GALNT13: variants seen among roughly 807,000 people sequenced by gnomAD.
GALNT13 encodes the protein polypeptide N-acetylgalactosaminyltransferase 13.
In GALNT13, 28 loss-of-function variants were observed where a neutral mutation model predicts 64.2. The ratio of observed to expected loss-of-function variants is 0.44; its 90% CI spans 0.32 to 0.60. The LOEUF is 0.60. Among genes scored for constraint, GALNT13 ranks in the 20% least tolerant of loss-of-function variants. The pLI is 0.05. For missense variants in GALNT13, 577 were observed against 669.8 expected, an observed-to-expected ratio of 0.86 and a Z score of 1.53; for synonymous variants, 214 against 224.6, an observed-to-expected ratio of 0.95 and a Z score of 0.42.
the GALNT13 span, among the ~76,000 whole-genome samples, chr2:153,819,201 A>G: frequency 6.6e-6 from 1 of 152,162 alleles, no homozygotes. Context: ...CAGTACTGCT[A>G]TATTTGAGAA....
chr2:153,121,630 C>G, the GALNT13 span, among the ~76,000 whole-genome samples: 145 of 152,272 alleles, frequency 9.5e-4, 1 homozygote, highest in Non-Finnish European at 1.5e-3. Context: ...TGCCTGGGTT[C>G]ACGCAAGTCT....
chr2:153,668,080 G>A, the GALNT13 span, among the ~76,000 whole-genome samples: 11 of 152,184 alleles, frequency 7.2e-5, no homozygotes, highest in Admixed American at 7.2e-4. Context: ...AAATATATAT[G>A]CACCCAACAC....
chr2:153,425,666 G>T, the GALNT13 span, among the ~76,000 whole-genome samples: 2 of 151,810 alleles, frequency 1.3e-5, no homozygotes, highest in African/African-American at 4.8e-5. Context: ...TACCATCTCT[G>T]TGTAAGTTTT....
chr2:154,446,619 GTAGCT>G, intron 12 of GALNT13: 17 of 1,548,362 alleles, frequency 1.1e-5, no homozygotes, highest in Non-Finnish European at 1.5e-5. Flanking sequence ...AGTGAACAAA[GTAGCT>G]GATGGCTCCC....
At chr2:153,223,771 C>A in the GALNT13 span, among the ~76,000 whole-genome samples, 1 of 151,702 alleles carries the variant, frequency 6.6e-6, no homozygotes. Flanking sequence ...TCAACCTGGC[C>A]AACATGGTGA....
At chr2:153,623,628 C>T in the GALNT13 span, among the ~76,000 whole-genome samples, 9 of 151,480 alleles carry the variant, frequency 5.9e-5, no homozygotes, top group East Asian at 1.9e-4. Context: ...CAGAATGGAA[C>T]GAAATATAAT....
At chr2:153,291,695 T>C in the GALNT13 span, among the ~76,000 whole-genome samples, 119,965 of 149,826 alleles carry the variant, frequency 0.8, 49,125 homozygotes, top group Non-Finnish European at 0.86. Context: ...AAACTATGTC[T>C]GTTGCATAAT....
intron 8 of GALNT13, among the ~76,000 whole-genome samples, chr2:154,272,381 A>T (rs890264486): frequency 1.3e-5 from 2 of 152,054 alleles, no homozygotes. Flanking sequence ...ATTTCAGTAC[A>T]TTAAGTAACC....
At chr2:154,208,437 T>C (rs1687585178) in intron 4 of GALNT13, among the ~76,000 whole-genome samples, 1 of 152,284 alleles carries the variant, frequency 6.6e-6, no homozygotes, top group African/African-American at 2.4e-5. Context: ...GTGTGTGAAA[T>C]CTAATATTAG....
chr2:154,066,974 A>G (rs1056343692), intron 3 of GALNT13, among the ~76,000 whole-genome samples: 7 of 152,138 alleles, frequency 4.6e-5, no homozygotes, highest in African/African-American at 1.7e-4. Flanking sequence ...AATAATAAAA[A>G]GTTAAAAAGG....
chr2:153,462,573 T>C, the GALNT13 span, among the ~76,000 whole-genome samples: 4 of 152,148 alleles, frequency 2.6e-5, no homozygotes, highest in Admixed American at 6.6e-5. Flanking sequence ...CAAAACCATG[T>C]GATCTTTTAA....
chr2:153,245,515 C>A, the GALNT13 span, among the ~76,000 whole-genome samples: 1 of 152,204 alleles, frequency 6.6e-6, no homozygotes, highest in Non-Finnish European at 1.5e-5. Context: ...AATGGACCTT[C>A]AGCGAACTGC....
intron 3 of GALNT13, among the ~76,000 whole-genome samples, chr2:153,998,940 AG>A (rs1279528706): frequency 7.9e-5 from 12 of 152,128 alleles, no homozygotes; most frequent in African/African-American, 2.7e-4. Context: ...GCTCATGGAT[AG>A]GAAGAATCAA....
chr2:154,402,630 C>G (rs1432788117), intron 10 of GALNT13, among the ~76,000 whole-genome samples: 1 of 152,164 alleles, frequency 6.6e-6, no homozygotes, highest in Admixed American at 6.5e-5. Context: ...GTGTGCGCTA[C>G]TATTTTGATT....
At chr2:153,264,013 C>A in the GALNT13 span, among the ~76,000 whole-genome samples, 1 of 152,136 alleles carries the variant, frequency 6.6e-6, no homozygotes, top group Non-Finnish European at 1.5e-5. Context: ...AACAGACAAC[C>A]CACAGAATGG....
chr2:154,069,435 T>C (rs1390367088), intron 3 of GALNT13, among the ~76,000 whole-genome samples: 3 of 151,996 alleles, frequency 2.0e-5, no homozygotes, highest in Non-Finnish European at 4.4e-5. Context: ...GAGATTTTAA[T>C]AGATGTTTGA....
At chr2:154,409,484 G>A (rs559449918) in intron 11 of GALNT13, 16 of 219,934 alleles carry the variant, frequency 7.3e-5, no homozygotes, top group African/African-American at 2.3e-4. Context: ...TGATTTTTAA[G>A]AGCTTTTGAA....
At chr2:153,145,451 T>A in the GALNT13 span, among the ~76,000 whole-genome samples, 2 of 152,002 alleles carry the variant, frequency 1.3e-5, no homozygotes, top group African/African-American at 4.8e-5. Flanking sequence ...CTAGTTGGAT[T>A]TCATTTCAAA....
At chr2:153,812,532 C>A in the GALNT13 span, among the ~76,000 whole-genome samples, 1 of 152,106 alleles carries the variant, frequency 6.6e-6, no homozygotes, top group Non-Finnish European at 1.5e-5. Context: ...TTATTCATAA[C>A]AAAACTAGTA....
Sources: allele counts gnomAD v4.1 joint callset (sites outside exome capture counted in the v4.1 genomes callset), GRCh38; gene constraint gnomAD v4.1.1; transcripts MANE v1.5; gene names NCBI Gene and HGNC (gene_info 2026-07-23, HGNC 2026-07-21).